SON: variants seen among roughly 807,000 people sequenced by gnomAD.
The protein encoded by SON is SON DNA and RNA binding protein, also known as protein SON.
In SON, 4 loss-of-function variants were observed where a neutral mutation model predicts 173.3. The ratio of observed to expected loss-of-function variants is 0.02; its 90% confidence interval spans 0.01 to 0.05. The LOEUF is 0.05. Among genes scored for constraint, SON ranks in the 10% least tolerant of loss-of-function variants. The pLI is 1.00. For synonymous variants in SON, 1,190 were observed against 1,105.9 expected (o/e 1.08, Z -1.51); for missense variants, 2,626 against 3,055.3 (o/e 0.86, Z 3.31).
In SON at chr21:33,552,523, G is replaced by A. The variant is rs752749585; in HGVS notation, c.3292G>A (p.Ala1098Thr). Residue 1098 changes from alanine (A) to threonine (T), a missense_variant, in exon 3 of 12, where the codon GCT becomes ACT. By Grantham distance (58) the Ala-to-Thr change is moderately conservative. This residue lies in a region of SON where 366 missense variants were observed against 448.6 expected (regional missense o/e 0.82). Coordinates refer to ENST00000356577, the MANE Select transcript of SON (RefSeq NM_138927.4). This position sits in a 1 kb window ranked among gnomAD's most constrained non-coding sequence, Gnocchi z 5.6. Reference sequence around the variant, plus strand: ...CCGGTCTATGATGTCGTCATACTCTGCTGCTGACCGGTCTATGATGTCATC... The same window carrying A: ...CCGGTCTATGATGTCGTCATACTCTACTGCTGACCGGTCTATGATGTCATC... ...ADRSMMSSYS[A>T]ADRSMMSSYS... 3 of 1,614,038 alleles carry A rather than the reference G, an allele frequency of 1.9e-6. No individual in the cohort carries two copies. The highest frequency in any genetic ancestry group is 2.5e-6 in the Non-Finnish European group (3 of 1,180,002).
intron 3 of SON, 34 bp from the exon 4 acceptor site, chr21:33,557,122 A>G (rs770996792): frequency 6.3e-7 from 1 of 1,592,104 alleles, no homozygotes; most frequent in Non-Finnish European, 8.5e-7. Context: ...ACAGTCTTTT[A>G]GGAAAACTGC....
chr21:33,554,300 A>G lies in SON; in HGVS notation c.5069A>G (p.Gln1690Arg), dbSNP rs747372685. ...CCATTACCTGTAAAAGAGAGTGACC[A>G]GACATTAGCAGCTCTGCTCAGCCCT... Reference protein sequence around the residue: ...EEPLPVKESDQTLAALLSPKE... With the variant: ...EEPLPVKESDRTLAALLSPKE... The change falls in exon 3 of 12, where the codon CAG (glutamine) becomes CGG (arginine). Residue 1690 changes from glutamine to arginine, a missense_variant. Gln to Arg is a conservative substitution (Grantham distance 43). This residue lies in a region of SON where 1,006 missense variants were observed against 895.6 expected (regional missense o/e 1.12). Transcript: ENST00000356577. 2.5e-6 allele frequency: 4 copies of G among 1,614,198 alleles called. No individual in the cohort carries two copies. The highest frequency in any genetic ancestry group is 2.5e-6 in the Non-Finnish European group (3 of 1,180,034).
At position 33,555,209 on chromosome 21, in the gene SON, G is replaced by T. The variant is rs1241567565; in HGVS notation, c.5978G>T (p.Arg1993Leu). ...AGCCGCACCCCTAGCCGTCGGAGCC[G>T]CACCCCAAGCCGCCGGAGAAGATCA... is the stretch of plus-strand genomic sequence containing the variant. Reference protein sequence around the residue: ...RRSRTPSRRSRTPSRRRRSRS... With the variant: ...RRSRTPSRRSLTPSRRRRSRS... The change falls in exon 3 of 12, where the codon CGC (arginine) becomes CTC (leucine). Residue 1993 changes from arginine (R) to leucine (L), a missense_variant. By Grantham distance (102) the Arg-to-Leu change is moderately radical. This residue lies in a region of SON where 138 missense variants were observed against 222.9 expected (regional missense o/e 0.62). Coordinates refer to ENST00000356577, the MANE Select transcript of SON (RefSeq NM_138927.4). The T allele has an allele frequency of 6.3e-7, 1 of 1,595,584 alleles. No homozygotes were observed. Among genetic ancestry groups the T allele is most frequent in the Admixed American group, 1.7e-5 (1 of 58,390 alleles).
intron 6 of SON, among the ~76,000 whole-genome samples, chr21:33,562,172 ATATTG>A (rs1187685907): frequency 3.9e-5 from 6 of 152,216 alleles, no homozygotes; most frequent in Admixed American, 3.3e-4. Context: ...TAAATATACT[ATATTG>A]TATATATAGA....
Position 33,549,658 on chromosome 21 carries a change from C to T in SON, c.427C>T (p.His143Tyr). 3 of 1,610,798 alleles carry T rather than the reference C, an allele frequency of 1.9e-6. No homozygotes were observed. The highest frequency in any genetic ancestry group is 1.7e-6 in the Non-Finnish European group (2 of 1,179,162). The change falls in exon 3 of 12, where the codon CAT becomes TAT. Residue 143 changes from histidine (H) to tyrosine (Y), a missense_variant. Around this residue, in one of 13 missense-constraint regions of SON, gnomAD observed 757 missense variants for 730.1 expected, o/e 1.04. Coordinates refer to ENST00000356577, the MANE Select transcript of SON (RefSeq NM_138927.4). The stretch of plus-strand genomic sequence containing the variant: ...AGAATCTGAGTCAAAGACGAAATCT[C>T]ATGATGATGGGAACATAGATTTAGA... Reference protein sequence around the residue: ...PEESESKTKSHDDGNIDLESD... With the variant: ...PEESESKTKSYDDGNIDLESD...
intron 8 of SON, among the ~76,000 whole-genome samples, chr21:33,570,886 G>C (rs771627212): frequency 2.0e-5 from 3 of 152,090 alleles, no homozygotes; most frequent in Admixed American, 6.5e-5. Context: ...CATAATGTTT[G>C]TATACTTATA....
Position 33,551,155 on chromosome 21 carries a change from C to A in SON, c.1924C>A (p.Pro642Thr), listed in dbSNP as rs776506718. ...AGGGCAGCCTGGGGCGCCAGAGTTG[C>A]CTGGGCAGCCTGTGGCAACTGTGGC... ...LPGQPGAPEL[P>T]GQPVATVALE... The change falls in exon 3 of 12, where the codon CCT becomes ACT. Residue 642 changes from proline (P) to threonine (T), a missense_variant. Physicochemically the swap from Pro to Thr is conservative, Grantham distance 38. Transcript: ENST00000356577. The A allele has an allele frequency of 5.0e-6, 8 of 1,613,644 alleles. No homozygotes were observed. The highest frequency in any genetic ancestry group is 5.1e-6 in the Non-Finnish European group (6 of 1,179,750).
intron 1 of SON, 88 bp downstream of exon 1, chr21:33,543,257 G>C: frequency 7.8e-7 from 1 of 1,289,248 alleles, no homozygotes; most frequent in Non-Finnish European, 1.1e-6. Flanking sequence ...AGACGCAGTC[G>C]TTCCCCGGCT....
chr21:33,559,565 T>G lies in SON; in HGVS notation c.6469-22T>G. The G allele has an allele frequency of 6.3e-7, 1 of 1,594,320 alleles. No individual in the cohort carries two copies. The highest frequency in any genetic ancestry group is 8.5e-7 in the Non-Finnish European group (1 of 1,172,150). ...TGTAGATATCATATTGAGCTTTAAT[T>G]AAGAAACACTTTATTTTTTAGATTG... On this transcript the variant is annotated intron_variant, in intron 5 of 11. Transcript: ENST00000356577. The surrounding 1 kb of genome is among the most constrained non-coding windows in gnomAD (Gnocchi z 4.1).
chr21:33,555,446 T>G (rs1045804423), intron 3 of SON, 55 bp downstream of exon 3: 2 of 1,376,730 alleles, frequency 1.5e-6, no homozygotes, highest in African/African-American at 1.6e-5. Flanking sequence ...TAAACCTTAA[T>G]TTTTTTCTGA....
chr21:33,555,121 AGCCGCACCCCCAGCCG>A lies in SON; in HGVS notation c.5891_5906del (p.Ser1964ThrfsTer37), dbSNP rs773506945. ...CCGCAGCCGCACCCCCAGCCGCCGC[AGCCGCACCCCCAGCCG>A]CCGCAGCCGCACCCCCAGCCGCCGC... On this transcript the variant is annotated frameshift_variant, in exon 3 of 12. Transcript: ENST00000356577. LOFTEE classifies it high-confidence loss of function. The A allele has an allele frequency of 3.3e-6, 5 of 1,505,664 alleles. No homozygotes were observed. Among genetic ancestry groups the A allele is most frequent in the Non-Finnish European group, 3.5e-6 (4 of 1,131,394 alleles). The allele number at this position is 1,505,664 out of a possible 1,614,324, so 93.3% of individuals were successfully genotyped here. A position where few individuals can be genotyped will look rare whatever the true frequency, so the allele number is the denominator to read the frequency against.
In SON at chr21:33,553,159, G is replaced by A. The variant is rs1601266818; in HGVS notation, c.3928G>A (p.Glu1310Lys). 11 of 1,614,154 alleles carry A rather than the reference G, an allele frequency of 6.8e-6. No individual in the cohort carries two copies. In the East Asian group the frequency reaches 2.5e-4, roughly 36 times the overall value. The change falls in exon 3 of 12, where the codon GAA becomes AAA. Residue 1310 changes from glutamate (E) to lysine (K), a missense_variant. Transcript: ENST00000356577. Reference protein sequence around the residue: ...SEPPVMSETAETFDSMRASGH... With the variant: ...SEPPVMSETAKTFDSMRASGH... Reference sequence around the variant, plus strand: ...GCCTCCTGTTATGTCAGAGACAGCAGAAACATTTGATTCCATGAGAGCCTC... The same window carrying A: ...GCCTCCTGTTATGTCAGAGACAGCAAAAACATTTGATTCCATGAGAGCCTC...
Position 33,545,054 on chromosome 21 carries a change from G to A in SON, c.78-1159G>A, listed in dbSNP as rs533761927. 1.6e-3 allele frequency among the ~76,000 whole-genome samples: 239 copies of A among 152,256 alleles called. 1 individual carries two copies. The highest frequency in any genetic ancestry group is 3.0e-3 in the Non-Finnish European group (202 of 68,000). The stretch of plus-strand genomic sequence containing the variant: ...TTATGTAAATTAGAGTAATGAGGCT[G>A]ACATTTAGATAGTTAAAACAAGTTA... On this transcript the variant is annotated intron_variant, in intron 1 of 11. Transcript: ENST00000356577.
intron 1 of SON, 22 bp downstream of exon 1, chr21:33,543,191 C>G: frequency 6.3e-7 from 1 of 1,596,276 alleles, no homozygotes; most frequent in Non-Finnish European, 8.6e-7. Context: ...CCAGATTCTT[C>G]TGCTCCCAAC....
rs151242933 is a variant in SON, at chr21:33,553,095, T to G, written c.3864T>G (p.Thr1288=). 20 of 1,613,902 alleles carry G rather than the reference T, an allele frequency of 1.2e-5. No individual in the cohort carries two copies. The highest frequency in any genetic ancestry group is 1.7e-5 in the Non-Finnish European group (20 of 1,180,024). The change falls in exon 3 of 12, where the codon ACT becomes ACG. Residue 1288 remains threonine (T), a synonymous_variant. Coordinates refer to ENST00000356577, the MANE Select transcript of SON (RefSeq NM_138927.4). The stretch of plus-strand genomic sequence containing the variant: ...CAGTGACTTGTATGGTATCTGAAAC[T>G]CCCGCCATGTCAGCTGAACCAACTG... ...ERPVTCMVSE[T]PAMSAEPTVL...
intron 6 of SON, among the ~76,000 whole-genome samples, chr21:33,563,231 CTATT>C (rs1325889559): frequency 9.9e-5 from 15 of 152,188 alleles, no homozygotes; most frequent in East Asian, 5.8e-4. Flanking sequence ...AGTAGGTTAT[CTATT>C]TGTTTTCCCG....
Position 33,575,433 on chromosome 21 carries a change from C to T in SON, c.7034-163C>T, listed in dbSNP as rs185328929. On this transcript the variant is annotated intron_variant, in intron 9 of 11. Coordinates refer to ENST00000356577, the MANE Select transcript of SON (RefSeq NM_138927.4). Reference sequence around the variant, plus strand: ...AAATATAAATTTATATGCTGAAAAACAGTAAAAGAGAAGAAAGAGAAGATT... The same window carrying T: ...AAATATAAATTTATATGCTGAAAAATAGTAAAAGAGAAGAAAGAGAAGATT... 6.6e-4 allele frequency: 325 copies of T among 495,878 alleles called. 2 individuals carry two copies. The East Asian group carries it at 8.8e-3, about 13-fold the overall frequency. The allele number at this position is 495,878 out of a possible 1,614,324, so 30.7% of individuals were successfully genotyped here. A position where few individuals can be genotyped will look rare whatever the true frequency, so the allele number is the denominator to read the frequency against.
chr21:33,559,177 C>T lies in SON; in HGVS notation c.6322-53C>T. ...ATGTGGTTTTGATTCTAAGAAATTA[C>T]ATGTTCTACATAAAGCGTAAGATTT... On this transcript the variant is annotated intron_variant, in intron 4 of 11. Coordinates refer to ENST00000356577, the MANE Select transcript of SON (RefSeq NM_138927.4). This position sits in a 1 kb window ranked among gnomAD's most constrained non-coding sequence, Gnocchi z 4.1. 1.5e-6 allele frequency: 2 copies of T among 1,342,454 alleles called. No individual in the cohort carries two copies. The highest frequency in any genetic ancestry group is 5.3e-5 in the Admixed American group (2 of 37,434). The allele number at this position is 1,342,454 out of a possible 1,614,324, so 83.2% of individuals were successfully genotyped here. A position where few individuals can be genotyped will look rare whatever the true frequency, so the allele number is the denominator to read the frequency against.
chr21:33,545,910 A>G (rs762801592), intron 1 of SON, among the ~76,000 whole-genome samples: 6 of 152,230 alleles, frequency 3.9e-5, no homozygotes, highest in Non-Finnish European at 7.3e-5. Flanking sequence ...CCCCTGAAAG[A>G]AATATGTGGG....
Sources: allele counts gnomAD v4.1 joint callset (sites outside exome capture counted in the v4.1 genomes callset), GRCh38; gene constraint gnomAD v4.1.1; regional missense constraint gnomAD v4.1.1; non-coding constraint Gnocchi (gnomAD v3.1); transcripts MANE v1.5; gene names NCBI Gene and HGNC (gene_info 2026-07-23, HGNC 2026-07-21).